Variants in VASP observed in about 807,000 individuals in gnomAD.
The protein encoded by VASP is vasodilator stimulated phosphoprotein.
VASP carries 27 observed loss-of-function variants against 54.4 expected under a neutral mutation model. The observed-to-expected ratio is 0.50, with a 90% CI of 0.37 to 0.68. The LOEUF (loss-of-function observed/expected upper bound fraction) is 0.68. Among genes scored for constraint, VASP ranks in the 30% least tolerant of loss-of-function variants. The pLI is 0.00. For missense variants in VASP, 488 were observed against 528.3 expected (o/e 0.92, Z 0.75); for synonymous variants, 233 against 209.8 (o/e 1.11, Z -0.96).
chr19:45,512,141 T>C (rs1386434467), intron 1 of VASP, among the ~76,000 whole-genome samples: 1 of 152,122 alleles, frequency 6.6e-6, no homozygotes, highest in Non-Finnish European at 1.5e-5. Flanking sequence ...TGAGAGACTC[T>C]GTCTCAAAAG....
chr19:45,524,867 G>A lies in VASP; in HGVS notation c.1047+207G>A, dbSNP rs141880202. On this transcript the variant is annotated intron_variant, in intron 11 of 12. Transcript: ENST00000245932. ...ACAGACATTATTAATCTATCACCGC[G>A]CTCATTCCAGATGAGTGCCTTGAAT... 280 of 509,840 alleles carry A rather than the reference G, an allele frequency of 5.5e-4. 1 individual carries two copies. Among genetic ancestry groups the A allele is most frequent in the African/African-American group, 4.8e-3 (249 of 51,772 alleles). The allele number at this position is 509,840 out of a possible 1,614,324, so 31.6% of individuals were successfully genotyped here.
At chr19:45,523,294 C>T (rs1968886734) in intron 7 of VASP, among the ~76,000 whole-genome samples, 1 of 148,286 alleles carries the variant, frequency 6.7e-6, no homozygotes, top group Non-Finnish European at 1.5e-5. Flanking sequence ...CCTCCGCCTC[C>T]TGGGTTCAGG....
At chr19:45,522,102 G>A (rs534811343) in intron 4 of VASP, 66 bp from the exon 5 acceptor site, 5 of 1,605,562 alleles carry the variant, frequency 3.1e-6, no homozygotes, top group East Asian at 2.2e-5. Flanking sequence ...GACGGAGGTC[G>A]CTGGCCCCTT....
chr19:45,514,539 G>A (rs1046407046), intron 1 of VASP, among the ~76,000 whole-genome samples: 3 of 152,174 alleles, frequency 2.0e-5, no homozygotes, highest in African/African-American at 4.8e-5. Context: ...TGTTTTAACA[G>A]GATCCTTCTG....
In VASP at chr19:45,522,429, C is replaced by T. The variant is rs755843185; in HGVS notation, c.568C>T (p.Pro190Ser). 12 of 1,523,186 alleles carry T rather than the reference C, an allele frequency of 7.9e-6. No homozygotes were observed. Among genetic ancestry groups the T allele is most frequent in the South Asian group, 3.8e-5 (3 of 78,886 alleles). The allele number at this position is 1,523,186 out of a possible 1,614,324, so 94.4% of individuals were successfully genotyped here. ...PGPPPPPGLP[P>S]SGVPAAAHGA... is the part of the protein sequence containing the mutation. The stretch of plus-strand genomic sequence containing the variant: ...TCCCCCCCCACCCCCAGGTTTGCCC[C>T]CTTCGGGGGTCCCAGCTGCAGCGCA... The change falls in exon 6 of 13, where the codon CCT becomes TCT. Residue 190 changes from proline to serine, a missense_variant. Coordinates refer to ENST00000245932, the MANE Select transcript of VASP (RefSeq NM_003370.4).
chr19:45,522,237 G>T lies in VASP; in HGVS notation c.478+20G>T. On this transcript the variant is annotated intron_variant, in intron 5 of 12. Coordinates refer to ENST00000245932, the MANE Select transcript of VASP (RefSeq NM_003370.4). ...ATGCAGGTGATGCTCAGATAGCTTC[G>T]GGAGTTGGGAGGGGGCCTCCCTGGA... The T allele has an allele frequency of 6.2e-7, 1 of 1,614,194 alleles. No individual in the cohort carries two copies. Among genetic ancestry groups the T allele is most frequent in the Non-Finnish European group, 8.5e-7 (1 of 1,180,026 alleles).
At chr19:45,518,144 C>A in intron 3 of VASP, 50 bp downstream of exon 3, 1 of 1,582,038 alleles carries the variant, frequency 6.3e-7, no homozygotes, top group Non-Finnish European at 8.6e-7. Context: ...GCTGTGTGGC[C>A]TGGGGCTGCC....
chr19:45,507,658 A>C lies in VASP; in HGVS notation c.-114A>C. 2.2e-6 allele frequency: 3 copies of C among 1,371,744 alleles called. No individual in the cohort carries two copies. Among genetic ancestry groups the C allele is most frequent in the Non-Finnish European group, 3.0e-6 (3 of 1,014,860 alleles). 85.0% of individuals were successfully genotyped at this position (1,371,744 alleles called of 1,614,324 possible). On this transcript the variant is annotated 5_prime_UTR_variant, in exon 1 of 13. Coordinates refer to ENST00000245932, the MANE Select transcript of VASP (RefSeq NM_003370.4). The surrounding 1 kb of genome is among the most constrained non-coding windows in gnomAD (Gnocchi z 4.4). Reference sequence around the variant, plus strand: ...AGGAAGCCGGACTCTATGGGGCGGGACCCTGGGGGAGCCTGAGCCGAGCCC... The same window carrying C: ...AGGAAGCCGGACTCTATGGGGCGGGCCCCTGGGGGAGCCTGAGCCGAGCCC...
Position 45,517,816 on chromosome 19 carries a change from G to T in VASP, c.159G>T (p.Lys53Asn), listed in dbSNP as rs1321271695. ...TANSFRVVGR[K>N]MQPDQQVVIN... ...ATTCCTTTCGCGTCGTGGGCCGGAAGATGCAGCCCGACCAGCAGGTGCAGC... is the reference window on the plus strand; with the variant it reads ...ATTCCTTTCGCGTCGTGGGCCGGAATATGCAGCCCGACCAGCAGGTGCAGC... The change falls in exon 2 of 13, where the codon AAG becomes AAT. Residue 53 changes from lysine to asparagine, a missense_variant. Transcript: ENST00000245932. 1 of 1,613,596 alleles carries T rather than the reference G, an allele frequency of 6.2e-7. No individual in the cohort carries two copies. The highest frequency in any genetic ancestry group is 1.3e-5 in the African/African-American group (1 of 74,946).
chr19:45,517,902 C>T (rs761658531), intron 2 of VASP, 27 bp from the exon 3 acceptor site: 1 of 1,600,030 alleles, frequency 6.2e-7, no homozygotes, highest in South Asian at 1.1e-5. Context: ...GCCCGCCGCC[C>T]CTCACCCCCC....
rs1303493585 is a variant in VASP, at chr19:45,522,572, A to G, written c.711A>G (p.Lys237=). Residue 237 remains lysine (K), a synonymous_variant, in exon 6 of 13, where the codon AAA becomes AAG. Coordinates refer to ENST00000245932, the MANE Select transcript of VASP (RefSeq NM_003370.4). ...CTATTGCTGGAGCCAAACTCAGGAA[A>G]GTCAGCAAGGTGAGGGGCCGGGAGA... The part of the protein sequence containing the change: ...AAAIAGAKLR[K]VSKQEEASGG... The G allele has an allele frequency of 6.8e-7, 1 of 1,465,558 alleles. No individual in the cohort carries two copies. The highest frequency in any genetic ancestry group is 2.7e-5 in the Admixed American group (1 of 36,456). The allele number at this position is 1,465,558 out of a possible 1,614,324, so 90.8% of individuals were successfully genotyped here. A position where few individuals can be genotyped will look rare whatever the true frequency, so the allele number is the denominator to read the frequency against.
chr19:45,519,593 T>C (rs1356420286), intron 3 of VASP, among the ~76,000 whole-genome samples: 1 of 143,562 alleles, frequency 7.0e-6, no homozygotes, highest in Admixed American at 7.3e-5. Flanking sequence ...CCCAGCCCAG[T>C]TGCTTTTTTT....
intron 4 of VASP, 116 bp from the exon 5 acceptor site, chr19:45,522,052 G>C (rs1968847061): frequency 7.1e-7 from 1 of 1,409,924 alleles, no homozygotes; most frequent in African/African-American, 1.4e-5. Context: ...GCTTGGGTGA[G>C]TATTAGGAGC....
chr19:45,508,610 G>A (rs1443153561), intron 1 of VASP, among the ~76,000 whole-genome samples: 1 of 152,126 alleles, frequency 6.6e-6, no homozygotes, highest in Non-Finnish European at 1.5e-5. Context: ...GAGACAGCTG[G>A]TGTGGGGGGC....
chr19:45,511,640 C>T (rs892747707), intron 1 of VASP, among the ~76,000 whole-genome samples: 2 of 152,196 alleles, frequency 1.3e-5, no homozygotes, highest in Non-Finnish European at 1.5e-5. Context: ...TTCCATCTCA[C>T]AGCCCCCGCA....
At position 45,522,939 on chromosome 19, in the gene VASP, C is replaced by G. The variant is rs1968875310; in HGVS notation, c.821+121C>G. On this transcript the variant is annotated intron_variant, in intron 7 of 12. Transcript: ENST00000245932. ...TGGTGAATGTTCCCCCTTTGATAAC[C>G]AGGTTTGGGATATAATGGTGGGGTT... 3.7e-6 allele frequency: 4 copies of G among 1,067,946 alleles called. No homozygotes were observed. The Admixed American group carries it at 1.3e-4, about 33-fold the overall frequency. 66.2% of individuals were successfully genotyped at this position (1,067,946 alleles called of 1,614,324 possible). A position where few individuals can be genotyped will look rare whatever the true frequency, so the allele number is the denominator to read the frequency against.
intron 1 of VASP, among the ~76,000 whole-genome samples, chr19:45,511,741 T>C (rs1968603765): frequency 6.6e-6 from 1 of 152,256 alleles, no homozygotes; most frequent in African/African-American, 2.4e-5. Context: ...TAGGTTTTTA[T>C]AGGTAATTTC....
rs182974567 is a variant in VASP at position 45,523,991 on chromosome 19, C to G, written c.911-106C>G. On this transcript the variant is annotated intron_variant, in intron 9 of 12. Transcript: ENST00000245932. ...GGCGAATGGTGCTGGGGATTGTAGT[C>G]TCCTGAGATGGGGCTTTGATCAGGG... 151 of 1,609,144 alleles carry G rather than the reference C, an allele frequency of 9.4e-5. No homozygotes were observed. The African/African-American group carries it at 1.8e-3, about 19-fold the overall frequency.
chr19:45,522,425 G>GC lies in VASP; in HGVS notation c.569dup (p.Ser191PhefsTer64). Reference sequence around the variant, plus strand: ...CAGGTCCCCCCCCACCCCCAGGTTTGCCCCCTTCGGGGGTCCCAGCTGCAG... The same window carrying GC: ...CAGGTCCCCCCCCACCCCCAGGTTTGCCCCCCTTCGGGGGTCCCAGCTGCAG... On this transcript the variant is annotated frameshift_variant, in exon 6 of 13. Transcript: ENST00000245932. LOFTEE classifies it high-confidence loss of function. 7.2e-7 allele frequency: 1 copy of GC among 1,387,378 alleles called. No individual in the cohort carries two copies. The allele number at this position is 1,387,378 out of a possible 1,614,324, so 85.9% of individuals were successfully genotyped here.
Sources: allele counts gnomAD v4.1 joint callset (sites outside exome capture counted in the v4.1 genomes callset), GRCh38; gene constraint gnomAD v4.1.1; non-coding constraint Gnocchi (gnomAD v3.1); transcripts MANE v1.5; gene names NCBI Gene and HGNC (gene_info 2026-07-23, HGNC 2026-07-21).